AFF1: variants seen among roughly 807,000 people sequenced by gnomAD.
The protein encoded by AFF1 is ALF transcription elongation factor 1.
A neutral mutation model predicts 121.7 loss-of-function variants in AFF1; 48 were observed. That is an observed-to-expected ratio of 0.39 (90% CI 0.31 to 0.50). The LOEUF is 0.50. AFF1 is among the 20% of genes least tolerant of loss of function. AFF1 has a pLI of 0.76. For missense variants in AFF1, 1,523 were observed against 1,511.7 expected (o/e 1.01, Z -0.12); for synonymous variants, 613 against 563.0 (o/e 1.09, Z -1.26).
At chr4:87,130,831 T>TAAC (rs1728762294) in intron 16 of AFF1, among the ~76,000 whole-genome samples, 1 of 152,258 alleles carries the variant, frequency 6.6e-6, no homozygotes, top group Non-Finnish European at 1.5e-5. Context: ...CGTATGTGCT[T>TAAC]TCATAAGGCT....
At chr4:87,071,523 A>C (rs1473714661) in intron 4 of AFF1, among the ~76,000 whole-genome samples, 1 of 152,108 alleles carries the variant, frequency 6.6e-6, no homozygotes, top group African/African-American at 2.4e-5. Flanking sequence ...ATTTTTTTTA[A>C]TAATACACTT....
intron 2 of AFF1, among the ~76,000 whole-genome samples, chr4:87,039,732 G>A (rs1389650280): frequency 1.3e-5 from 2 of 152,168 alleles, no homozygotes; most frequent in African/African-American, 4.8e-5. Flanking sequence ...TATATGATCT[G>A]AAGGCAAGAA....
chr4:87,091,102 A>AT (rs1724260020), intron 6 of AFF1, among the ~76,000 whole-genome samples: 1 of 150,820 alleles, frequency 6.6e-6, no homozygotes, highest in South Asian at 2.1e-4. Context: ...TTTTCTAATA[A>AT]TTTTTAAAAT....
At chr4:87,005,258 C>T (rs1726014536) in intron 2 of AFF1, among the ~76,000 whole-genome samples, 1 of 152,178 alleles carries the variant, frequency 6.6e-6, no homozygotes, top group Non-Finnish European at 1.5e-5. Context: ...GGATTACAGG[C>T]GTGAGCCACT....
chr4:86,948,710 T>C, intron 2 of AFF1, 139 bp downstream of exon 2: 1 of 802,028 alleles, frequency 1.2e-6, no homozygotes, highest in Admixed American at 2.6e-5. Context: ...TTTTCAGTTT[T>C]CTCTACATGA....
Position 86,948,481 on chromosome 4 carries a change from CTTTG to C in AFF1, c.-36-13_-36-10del. On this transcript the variant is annotated splice_polypyrimidine_tract_variant and intron_variant, in intron 1 of 20. Coordinates refer to ENST00000395146, the MANE Select transcript of AFF1 (RefSeq NM_001166693.3). Reference sequence around the variant, plus strand: ...CACAGGCTAATGTTCACAGGCTACTCTTTGTTTCTCTTTCAGATGAACAGACTAG... The same window carrying C: ...CACAGGCTAATGTTCACAGGCTACTCTTTCTCTTTCAGATGAACAGACTAG... The C allele has an allele frequency of 1.3e-6, 2 of 1,512,392 alleles. No individual in the cohort carries two copies. Among genetic ancestry groups the C allele is most frequent in the Non-Finnish European group, 1.8e-6 (2 of 1,125,160 alleles). 93.7% of individuals were successfully genotyped at this position (1,512,392 alleles called of 1,614,324 possible). A position where few individuals can be genotyped will look rare whatever the true frequency, so the allele number is the denominator to read the frequency against.
chr4:87,071,388 T>C (rs899462896), intron 4 of AFF1, among the ~76,000 whole-genome samples: 27 of 152,240 alleles, frequency 1.8e-4, no homozygotes, highest in Non-Finnish European at 2.8e-4. Context: ...GCTCGTTTAC[T>C]GTGGTGTTCA....
chr4:87,104,934 T>C (rs550633461), intron 8 of AFF1, among the ~76,000 whole-genome samples: 4 of 152,304 alleles, frequency 2.6e-5, no homozygotes, highest in African/African-American at 9.6e-5. Context: ...GAGTTTGTAT[T>C]ACTGTTCTTC....
intron 8 of AFF1, among the ~76,000 whole-genome samples, chr4:87,099,313 C>G (rs1725184955): frequency 6.6e-6 from 1 of 152,190 alleles, no homozygotes; most frequent in Non-Finnish European, 1.5e-5. Flanking sequence ...AAGGAACAAA[C>G]ATTTGTGCTG....
At position 87,130,730 on chromosome 4, in the gene AFF1, A is replaced by G. The variant is rs61533642; in HGVS notation, c.2965-353A>G. On this transcript the variant is annotated intron_variant, in intron 16 of 20. Coordinates refer to ENST00000395146, the MANE Select transcript of AFF1 (RefSeq NM_001166693.3). ...GAAATATGCGTCTGCATTACTCCAG[A>G]CATGTGGAATAATCTGTTTCTCAAG... Among the ~76,000 whole-genome samples, 8 of 152,348 alleles carry G rather than the reference A, an allele frequency of 5.3e-5. No individual in the cohort carries two copies. In the East Asian group the frequency reaches 1.3e-3, roughly 26 times the overall value.
Position 87,135,973 on chromosome 4 carries a change from T to A in AFF1, c.*272T>A, listed in dbSNP as rs1657975893. On this transcript the variant is annotated 3_prime_UTR_variant, in exon 21 of 21. Transcript: ENST00000395146. ...AGAAGTGCAATTTAGCTTAAATGGG[T>A]GTATGAATGGTCTAGAAACATTTCT... 1 of 382,364 alleles carries A rather than the reference T, an allele frequency of 2.6e-6. No homozygotes were observed. 23.7% of individuals were successfully genotyped at this position (382,364 alleles called of 1,614,324 possible).
In AFF1 at chr4:87,086,742, A is replaced by C. The variant is rs1723776631; in HGVS notation, c.1104+2578A>C. Among the ~76,000 whole-genome samples, 3 of 152,160 alleles carry C rather than the reference A, an allele frequency of 2.0e-5. No homozygotes were observed. In the South Asian group the frequency reaches 6.2e-4, roughly 32 times the overall value. On this transcript the variant is annotated intron_variant, in intron 5 of 20. Transcript: ENST00000395146. ...TACTCTTGACGCTGACCCAGATGCT[A>C]CTTTCCTTTGCCTCCCGGTTCCCGT... is the stretch of plus-strand genomic sequence containing the variant.
chr4:87,080,207 T>C (rs1010482319), intron 4 of AFF1, among the ~76,000 whole-genome samples: 2 of 152,062 alleles, frequency 1.3e-5, no homozygotes, highest in Admixed American at 6.5e-5. Flanking sequence ...TTAATAGATA[T>C]CAAGGGTGGG....
At chr4:87,040,628 G>A (rs1168081400) in intron 2 of AFF1, among the ~76,000 whole-genome samples, 11 of 150,534 alleles carry the variant, frequency 7.3e-5, no homozygotes, top group African/African-American at 2.5e-4. Flanking sequence ...GTACAGTGGC[G>A]CAATCTCGGC....
rs542800088 is a variant in AFF1, at chr4:87,007,276, CG to C, written c.39-38889del. ...CCCGGGGCTCGAGAGCAGGTAGTCC[CG>C]TAACATCGGGGCGCCGCGCCGGGAC... On this transcript the variant is annotated intron_variant, in intron 2 of 20. Transcript: ENST00000395146. 5.4e-4 allele frequency: 840 copies of C among 1,552,330 alleles called. 8 individuals are homozygous for C. In the African/African-American group the frequency reaches 0.01, roughly 19 times the overall value.
At chr4:87,052,244 A>AT (rs1390749548) in intron 4 of AFF1, among the ~76,000 whole-genome samples, 1 of 152,120 alleles carries the variant, frequency 6.6e-6, no homozygotes, top group African/African-American at 2.4e-5. Flanking sequence ...GAGATGTTTT[A>AT]TCAAAAAATT....
At chr4:87,106,889 G>A (rs1022170265) in intron 10 of AFF1, among the ~76,000 whole-genome samples, 1 of 152,176 alleles carries the variant, frequency 6.6e-6, no homozygotes, top group Non-Finnish European at 1.5e-5. Flanking sequence ...GATTCATAAG[G>A]TTTGCTTGTT....
intron 2 of AFF1, among the ~76,000 whole-genome samples, chr4:86,988,272 T>C (rs1189737267): frequency 6.6e-6 from 1 of 152,154 alleles, no homozygotes; most frequent in African/African-American, 2.4e-5. Flanking sequence ...CACTAGAACC[T>C]GTTCCTTCCA....
intron 2 of AFF1, among the ~76,000 whole-genome samples, chr4:86,993,081 C>T (rs1724854039): frequency 6.6e-6 from 1 of 152,158 alleles, no homozygotes; most frequent in Non-Finnish European, 1.5e-5. Flanking sequence ...AGGTAGGAAA[C>T]AGAGTCCACA....
Sources: gnomAD v4.1 joint callset for allele counts (sites outside exome capture counted in the v4.1 genomes callset) on GRCh38, gnomAD v4.1.1 for gene constraint, MANE v1.5 for transcripts, NCBI Gene and HGNC (gene_info 2026-07-23, HGNC 2026-07-21) for gene names.